Variants in PARD3 observed in about 807,000 individuals in gnomAD.
The protein encoded by PARD3 is partitioning defective 3 homolog.
Under a neutral mutation model 155.4 loss-of-function variants are expected in PARD3, and 75 were observed. The observed-to-expected ratio is 0.48, with a 90% CI of 0.40 to 0.58. The LOEUF is 0.58. Among genes scored for constraint, PARD3 ranks in the 20% least tolerant of loss-of-function variants. The pLI is 0.00. For missense variants in PARD3, 1,642 were observed against 1,721.7 expected, an observed-to-expected ratio of 0.95 and a Z score of 0.82; for synonymous variants, 576 against 610.5, an observed-to-expected ratio of 0.94 and a Z score of 0.83.
chr10:34,394,563 T>G (rs1843146143), intron 7 of PARD3, among the ~76,000 whole-genome samples: 1 of 152,186 alleles, frequency 6.6e-6, no homozygotes, highest in African/African-American at 2.4e-5. Context: ...TGGCTTCAAG[T>G]GATCCTTCCA....
chr10:34,632,601 G>A (rs1262280299), intron 2 of PARD3, among the ~76,000 whole-genome samples: 1 of 152,194 alleles, frequency 6.6e-6, no homozygotes, highest in African/African-American at 2.4e-5. Context: ...ATCTGTACCA[G>A]GTAGATACAA....
chr10:34,625,422 G>A (rs528524445), intron 2 of PARD3, among the ~76,000 whole-genome samples: 2 of 152,344 alleles, frequency 1.3e-5, no homozygotes, highest in South Asian at 2.1e-4. Context: ...CCCATCTCCA[G>A]GTGCAGAAGC....
intron 1 of PARD3, among the ~76,000 whole-genome samples, chr10:34,809,664 A>C (rs537826059): frequency 6.6e-6 from 1 of 152,340 alleles, no homozygotes; most frequent in Non-Finnish European, 1.5e-5. Flanking sequence ...AGGGGTCCCT[A>C]CAGGGACAGG....
intron 20 of PARD3, among the ~76,000 whole-genome samples, chr10:34,306,816 A>C (rs1181383714): frequency 6.6e-6 from 1 of 152,202 alleles, no homozygotes; most frequent in East Asian, 1.9e-4. Flanking sequence ...TCCTGGTATG[A>C]AGACTTGTCA....
At position 34,331,160 on chromosome 10, in the gene PARD3, A is replaced by T. The variant is rs781227573; in HGVS notation, c.2790T>A (p.Tyr930Ter). ...ESFRAAIDKS[Y>*]DKPAVDDDDE... ...CATCATCATCTACCGCGGGTTTATC[A>T]TAAGATTTGTCGATGGCAGCTCTGA... Residue 930 changes from tyrosine to a stop codon, truncating the protein, a stop_gained, in exon 19 of 25, where the codon TAT (tyrosine) becomes TAA (stop). Transcript: ENST00000374788. LOFTEE classifies it high-confidence loss of function. 1 of 1,613,988 alleles carries T rather than the reference A, an allele frequency of 6.2e-7. No individual in the cohort carries two copies.
intron 2 of PARD3, among the ~76,000 whole-genome samples, chr10:34,613,424 T>C (rs892580289): frequency 2.6e-5 from 4 of 152,322 alleles, no homozygotes; most frequent in Admixed American, 1.3e-4. Context: ...ATCTGTGCAA[T>C]TACGAAGTAT....
chr10:34,259,282 T>C (rs1296963413), intron 22 of PARD3, among the ~76,000 whole-genome samples: 3 of 148,702 alleles, frequency 2.0e-5, no homozygotes, highest in Non-Finnish European at 4.4e-5. Context: ...ATTTATTATA[T>C]TATAGTTCTG....
At chr10:34,545,585 C>G (rs991048340) in intron 2 of PARD3, among the ~76,000 whole-genome samples, 1 of 152,128 alleles carries the variant, frequency 6.6e-6, no homozygotes, top group African/African-American at 2.4e-5. Flanking sequence ...GATGGAGTCT[C>G]GCTCTGTCGC....
At chr10:34,410,719 T>C (rs921079339) in intron 5 of PARD3, among the ~76,000 whole-genome samples, 1 of 152,242 alleles carries the variant, frequency 6.6e-6, no homozygotes, top group Non-Finnish European at 1.5e-5. Context: ...CTGCATGTCT[T>C]ATAAACAGAG....
chr10:34,722,881 GATTT>G (rs1170476580), intron 1 of PARD3, among the ~76,000 whole-genome samples: 1 of 152,076 alleles, frequency 6.6e-6, no homozygotes, highest in Non-Finnish European at 1.5e-5. Flanking sequence ...TGATATCTAA[GATTT>G]ATTTCAAAAT....
intron 20 of PARD3, chr10:34,312,125 GT>G: frequency 1.5e-6 from 1 of 682,114 alleles, no homozygotes; most frequent in Non-Finnish European, 2.4e-6. Flanking sequence ...AAAAAAACAC[GT>G]CTCTGCCTTT....
intron 22 of PARD3, among the ~76,000 whole-genome samples, chr10:34,166,370 T>C (rs1169348758): frequency 1.3e-5 from 2 of 152,014 alleles, no homozygotes; most frequent in African/African-American, 2.4e-5. Flanking sequence ...CCCAGCTCTA[T>C]GGGAAGCCAA....
chr10:34,295,960 G>T (rs1175124797), intron 20 of PARD3, among the ~76,000 whole-genome samples: 1 of 152,166 alleles, frequency 6.6e-6, no homozygotes, highest in Non-Finnish European at 1.5e-5. Context: ...TAAATGTGAA[G>T]AACGCGGAAA....
intron 2 of PARD3, among the ~76,000 whole-genome samples, chr10:34,622,792 A>G (rs1270372823): frequency 1.3e-5 from 2 of 151,716 alleles, no homozygotes; most frequent in Non-Finnish European, 2.9e-5. Flanking sequence ...AAACTGTTCA[A>G]TGACTTACAT....
chr10:34,782,541 A>AC (rs1274637323), intron 1 of PARD3, among the ~76,000 whole-genome samples: 2 of 152,168 alleles, frequency 1.3e-5, no homozygotes, highest in Middle Eastern at 3.2e-3. Context: ...CATTTTAAGC[A>AC]CTATCCACTC....
At chr10:34,805,189 G>A (rs1430748233) in intron 1 of PARD3, among the ~76,000 whole-genome samples, 1 of 151,894 alleles carries the variant, frequency 6.6e-6, no homozygotes, top group East Asian at 1.9e-4. Context: ...AACCCTGTCT[G>A]TACTAAAAAT....
intron 14 of PARD3, among the ~76,000 whole-genome samples, chr10:34,353,039 G>A (rs1014893224): frequency 1.3e-5 from 2 of 150,290 alleles, no homozygotes; most frequent in East Asian, 2.0e-4. Flanking sequence ...CGGCCGCCCC[G>A]TCTGAGAAGT....
chr10:34,332,973 C>A (rs1260422050), intron 18 of PARD3, among the ~76,000 whole-genome samples: 1 of 152,086 alleles, frequency 6.6e-6, no homozygotes, highest in Non-Finnish European at 1.5e-5. Context: ...GGGAAAAGAT[C>A]ATTCCTGGGC....
chr10:34,576,185 C>G (rs1283646242), intron 2 of PARD3, among the ~76,000 whole-genome samples: 1 of 152,196 alleles, frequency 6.6e-6, no homozygotes, highest in Non-Finnish European at 1.5e-5. Context: ...TAAAGTATAA[C>G]AAAAGACACT....
Sources: allele counts gnomAD v4.1 joint callset (sites outside exome capture counted in the v4.1 genomes callset), GRCh38; gene constraint gnomAD v4.1.1; transcripts MANE v1.5; gene names NCBI Gene and HGNC (gene_info 2026-07-23, HGNC 2026-07-21).